Variants in RPS6KC1 observed in about 807,000 individuals in gnomAD.
RPS6KC1 encodes ribosomal protein S6 kinase C1.
RPS6KC1 carries 54 observed loss-of-function variants against 103.8 expected under a neutral mutation model. The observed-to-expected ratio is 0.52, with a 90% CI of 0.42 to 0.65. RPS6KC1 has a LOEUF of 0.65. Among genes scored for constraint, RPS6KC1 ranks in the 30% least tolerant of loss-of-function variants. The pLI, the probability that RPS6KC1 is intolerant of heterozygous loss-of-function variation, is 0.00. For synonymous variants in RPS6KC1, 439 were observed against 438.7 expected (o/e 1.00, Z -0.01); for missense variants, 1,151 against 1,253.8 (o/e 0.92, Z 1.24).
At chr1:213,350,549 T>A in the RPS6KC1 span, among the ~76,000 whole-genome samples, 1 of 152,164 alleles carries the variant, frequency 6.6e-6, no homozygotes, top group Non-Finnish European at 1.5e-5. Context: ...GAAAATCCTG[T>A]GCCATATTGG....
intron 4 of RPS6KC1, among the ~76,000 whole-genome samples, chr1:213,113,766 C>T (rs2083279736): frequency 6.6e-6 from 1 of 152,060 alleles, no homozygotes; most frequent in Non-Finnish European, 1.5e-5. Context: ...CCAGTTTCAG[C>T]TTTCTACATA....
chr1:213,305,820 T>C, the RPS6KC1 span, among the ~76,000 whole-genome samples: 3 of 152,228 alleles, frequency 2.0e-5, no homozygotes, highest in Non-Finnish European at 2.9e-5. Context: ...GCCCTCTCCA[T>C]TTCCACCTCT....
chr1:213,359,592 T>C, the RPS6KC1 span, among the ~76,000 whole-genome samples: 2 of 152,196 alleles, frequency 1.3e-5, no homozygotes, highest in East Asian at 1.9e-4. Context: ...AATTTGATCC[T>C]GTCATTATGA....
intron 8 of RPS6KC1, among the ~76,000 whole-genome samples, chr1:213,189,599 T>C (rs2092676605): frequency 6.6e-6 from 1 of 152,160 alleles, no homozygotes; most frequent in African/African-American, 2.4e-5. Context: ...GTAATAATCA[T>C]ATCAAGGGAG....
the RPS6KC1 span, among the ~76,000 whole-genome samples, chr1:213,528,335 G>A: frequency 3.3e-5 from 5 of 152,144 alleles, no homozygotes; most frequent in Non-Finnish European, 7.4e-5. Context: ...CAGATCTTGT[G>A]AGTACTCAGT....
At chr1:213,557,399 T>G in the RPS6KC1 span, among the ~76,000 whole-genome samples, 1 of 151,992 alleles carries the variant, frequency 6.6e-6, no homozygotes, top group African/African-American at 2.4e-5. Flanking sequence ...ATTGGGAGCT[T>G]GGGTGTGTGG....
chr1:213,791,476 A>C, the RPS6KC1 span, among the ~76,000 whole-genome samples: 6 of 152,156 alleles, frequency 3.9e-5, no homozygotes, highest in African/African-American at 1.4e-4. Flanking sequence ...TACTATTTCT[A>C]AACAGCCATT....
Position 213,152,206 on chromosome 1 carries a change from C to T in RPS6KC1, c.836-15652C>T, listed in dbSNP as rs562734005. On this transcript the variant is annotated intron_variant, in intron 6 of 14. Coordinates refer to ENST00000366960, the MANE Select transcript of RPS6KC1 (RefSeq NM_012424.6). ...GCTGACCCCCCACCTCCCTCCTGGA[C>T]GGGGCGGCTGGCCGGGCGGGGGGCT... 4.0e-3 allele frequency among the ~76,000 whole-genome samples: 562 copies of T among 140,358 alleles called. 3 individuals are homozygous for T. Among genetic ancestry groups the T allele is most frequent in the African/African-American group, 0.014 (520 of 37,232 alleles). The allele number at this position is 140,358 out of a possible 152,430, so 92.1% of individuals were successfully genotyped here. A position where few individuals can be genotyped will look rare whatever the true frequency, so the allele number is the denominator to read the frequency against.
At chr1:213,407,220 A>G in the RPS6KC1 span, among the ~76,000 whole-genome samples, 1,016 of 6,592 alleles carry the variant, frequency 0.15, 7 homozygotes, top group Non-Finnish European at 0.3. Context: ...GCACGCGCGC[A>G]CACACACACA....
At chr1:213,055,732 C>G (rs999006306) in intron 1 of RPS6KC1, among the ~76,000 whole-genome samples, 28 of 152,088 alleles carry the variant, frequency 1.8e-4, no homozygotes, top group African/African-American at 6.8e-4. Flanking sequence ...AAATGCCTGT[C>G]CAGATTTTGA....
At position 213,274,454 on chromosome 1, in the gene RPS6KC1, T is replaced by C. The variant is rs944469889; in HGVS notation, c.*1820T>C. 5.3e-5 allele frequency: 8 copies of C among 152,252 alleles called. No homozygotes were observed. Among genetic ancestry groups the C allele is most frequent in the South Asian group, 2.1e-4 (1 of 4,830 alleles). 9.4% of individuals were successfully genotyped at this position (152,252 alleles called of 1,614,324 possible). On this transcript the variant is annotated 3_prime_UTR_variant, in exon 15 of 15. Transcript: ENST00000366960. ...TTCAAAGGACATTAATGTCAACAGA[T>C]GGTTGCCATGTCAGTCTGTTGACAC...
At chr1:213,713,621 A>C in the RPS6KC1 span, among the ~76,000 whole-genome samples, 1 of 152,194 alleles carries the variant, frequency 6.6e-6, no homozygotes, top group Non-Finnish European at 1.5e-5. Context: ...ATGTAAATGT[A>C]TGCAAGCCAC....
chr1:213,846,735 A>C, the RPS6KC1 span, among the ~76,000 whole-genome samples: 1 of 152,210 alleles, frequency 6.6e-6, no homozygotes, highest in African/African-American at 2.4e-5. Context: ...GTTTTTTAAA[A>C]TAAGAGTAAG....
the RPS6KC1 span, among the ~76,000 whole-genome samples, chr1:213,670,395 G>A: frequency 6.6e-6 from 1 of 152,172 alleles, no homozygotes; most frequent in Non-Finnish European, 1.5e-5. Flanking sequence ...GAGCAGTAGG[G>A]GGAAGAGCAG....
At chr1:213,459,031 A>G in the RPS6KC1 span, among the ~76,000 whole-genome samples, 65,432 of 151,966 alleles carry the variant, frequency 0.43, 14,904 homozygotes, top group East Asian at 0.57. Context: ...GGATTTTCAC[A>G]TCGATGTTCA....
At chr1:213,355,758 G>C in the RPS6KC1 span, among the ~76,000 whole-genome samples, 2 of 152,176 alleles carry the variant, frequency 1.3e-5, no homozygotes, top group South Asian at 2.1e-4. Flanking sequence ...CAACACCTCA[G>C]AGATGTTTTC....
the RPS6KC1 span, among the ~76,000 whole-genome samples, chr1:213,765,317 A>G: frequency 6.6e-6 from 1 of 152,012 alleles, no homozygotes; most frequent in Non-Finnish European, 1.5e-5. Flanking sequence ...CTCTACTCCA[A>G]TCCCTCTCCG....
At chr1:213,665,759 A>C in the RPS6KC1 span, among the ~76,000 whole-genome samples, 5 of 152,218 alleles carry the variant, frequency 3.3e-5, no homozygotes, top group Non-Finnish European at 5.9e-5. Flanking sequence ...TTGTTTGTAG[A>C]TTGACAGATC....
chr1:213,854,215 C>CTAG, the RPS6KC1 span, among the ~76,000 whole-genome samples: 4 of 152,220 alleles, frequency 2.6e-5, no homozygotes, highest in African/African-American at 9.6e-5. Context: ...GGATTGCTGC[C>CTAG]TCTAGCAGGA....
Sources: gnomAD v4.1 joint callset for allele counts (sites outside exome capture counted in the v4.1 genomes callset) on GRCh38, gnomAD v4.1.1 for gene constraint, MANE v1.5 for transcripts, NCBI Gene and HGNC (gene_info 2026-07-23, HGNC 2026-07-21) for gene names.